RNF40: variants seen among roughly 807,000 people sequenced by gnomAD.
RNF40 encodes E3 ubiquitin-protein ligase BRE1B.
In RNF40, 39 loss-of-function variants were observed where a neutral mutation model predicts 123.3. The ratio of observed to expected loss-of-function variants is 0.32; its 90% CI spans 0.24 to 0.41. The LOEUF (loss-of-function observed/expected upper bound fraction) is 0.41. Ranked by LOEUF, RNF40 falls within the 10% of genes least tolerant of loss-of-function variation. The probability of loss-of-function intolerance (pLI) is 1.00; values close to 1 mark genes in which losing one functional copy is unlikely to be tolerated. For synonymous variants in RNF40, 538 were observed against 526.0 expected, an observed-to-expected ratio of 1.02 and a Z score of -0.31; for missense variants, 1,003 against 1,319.9, an observed-to-expected ratio of 0.76 and a Z score of 3.72.
At position 30,766,456 on chromosome 16, in the gene RNF40, G is replaced by T; in HGVS notation, c.1191G>T (p.Leu397=). The part of the protein sequence containing the change: ...EYRMLQAQFS[L]LYNESLQVKT... ...GCATGCTGCAGGCCCAATTCTCACT[G>T]CTCTACAACGAGTCTCTGCAAGTGA... is the stretch of plus-strand genomic sequence containing the variant. The change falls in exon 10 of 20, where the codon CTG becomes CTT. Residue 397 remains leucine, a synonymous_variant. Transcript: ENST00000324685. The surrounding 1 kb of genome is among the most constrained non-coding windows in gnomAD (Gnocchi z 5.4). 1 of 1,613,998 alleles carries T rather than the reference G, an allele frequency of 6.2e-7. No individual in the cohort carries two copies. Among genetic ancestry groups the T allele is most frequent in the African/African-American group, 1.3e-5 (1 of 75,066 alleles).
intron 8 of RNF40, among the ~76,000 whole-genome samples, 173 bp downstream of exon 8, chr16:30,765,672 G>T (rs896761231): frequency 6.6e-6 from 1 of 152,264 alleles, no homozygotes; most frequent in East Asian, 1.9e-4. Context: ...AACACTTAGT[G>T]CTAGGCACTA....
In RNF40 at chr16:30,766,584, G is replaced by T. The variant is rs760640910; in HGVS notation, c.1293+26G>T. On this transcript the variant is annotated intron_variant, in intron 10 of 19. Transcript: ENST00000324685. The surrounding 1 kb of genome is among the most constrained non-coding windows in gnomAD (Gnocchi z 5.4). Reference sequence around the variant, plus strand: ...GTATGGCCCTGGAACAGGCGTTAGGGCTGGGCTAAGGGCCAAACCGTTAGT... The same window carrying T: ...GTATGGCCCTGGAACAGGCGTTAGGTCTGGGCTAAGGGCCAAACCGTTAGT... The T allele has an allele frequency of 6.3e-7, 1 of 1,594,124 alleles. No individual in the cohort carries two copies. The highest frequency in any genetic ancestry group is 1.1e-5 in the South Asian group (1 of 88,396).
rs2054218568 is a variant in RNF40 at position 30,775,486 on chromosome 16, G to A, written c.*1372G>A. The A allele has an allele frequency of 6.0e-6, 1 of 166,950 alleles. No individual in the cohort carries two copies. 10.3% of individuals were successfully genotyped at this position (166,950 alleles called of 1,614,324 possible). ...GTCCGCACATGGTTAGGAGGTTCTC[G>A]GAGAGAGAGCTAGTTTCCCGGTTGC... On this transcript the variant is annotated 3_prime_UTR_variant, in exon 20 of 20. Coordinates refer to ENST00000324685, the MANE Select transcript of RNF40 (RefSeq NM_014771.4).
chr16:30,771,631 CAAA>C (rs2054149614), intron 17 of RNF40, among the ~76,000 whole-genome samples, 199 bp from the exon 18 acceptor site: 1 of 132,288 alleles, frequency 7.6e-6, no homozygotes, highest in South Asian at 2.2e-4. Flanking sequence ...AAACAAAAAA[CAAA>C]GAAACCCCAA....
intron 11 of RNF40, 132 bp from the exon 12 acceptor site, chr16:30,767,762 A>T (rs962624431): frequency 4.3e-5 from 52 of 1,209,188 alleles, no homozygotes; most frequent in Non-Finnish European, 5.8e-5. Context: ...TGATGAGTTC[A>T]TGCTCCGTTG....
chr16:30,767,324 G>A (rs1530201), intron 11 of RNF40, among the ~76,000 whole-genome samples: 149,293 of 152,276 alleles, frequency 0.98, 73,242 homozygotes, highest in Middle Eastern at 1. Flanking sequence ...GCTCTTGACA[G>A]ATAGGAAAGT....
intron 17 of RNF40, among the ~76,000 whole-genome samples, chr16:30,770,713 TTTG>T (rs752986173): frequency 2.2e-4 from 33 of 152,338 alleles, no homozygotes; most frequent in African/African-American, 5.1e-4. Context: ...TTGTGGTTTT[TTTG>T]TTGTTGTTTT....
At position 30,768,828 on chromosome 16, in the gene RNF40, T is replaced by C. The variant is rs759141997; in HGVS notation, c.2098-10T>C. 6.2e-7 allele frequency: 1 copy of C among 1,614,168 alleles called. No individual in the cohort carries two copies. The highest frequency in any genetic ancestry group is 1.1e-5 in the South Asian group (1 of 91,088). On this transcript the variant is annotated splice_polypyrimidine_tract_variant and intron_variant, in intron 14 of 19. Coordinates refer to ENST00000324685, the MANE Select transcript of RNF40 (RefSeq NM_014771.4). The surrounding 1 kb of genome is among the most constrained non-coding windows in gnomAD (Gnocchi z 4.1). Reference sequence around the variant, plus strand: ...AGTGTCAAGAGAGTTTCTTCTTCCCTGTGCTATAGGTTGATGAGCTGCGGA... The same window carrying C: ...AGTGTCAAGAGAGTTTCTTCTTCCCCGTGCTATAGGTTGATGAGCTGCGGA...
chr16:30,762,381 G>C, intron 1 of RNF40, 21 bp downstream of exon 1: 1 of 700,606 alleles, frequency 1.4e-6, no homozygotes, highest in East Asian at 3.3e-5. Flanking sequence ...TGGCGCCGGG[G>C]GGGACGGGAT....
intron 11 of RNF40, chr16:30,767,563 C>T (rs538875899): frequency 1.0e-4 from 22 of 219,532 alleles, no homozygotes; most frequent in African/African-American, 3.4e-4. Context: ...CCAGCACTTT[C>T]GGAGGCCAAG....
rs1010672244 is a variant in RNF40, at chr16:30,762,376, C to T, written c.-72+16C>T. 1 of 676,938 alleles carries T rather than the reference C, an allele frequency of 1.5e-6. No homozygotes were observed. The highest frequency in any genetic ancestry group is 2.3e-6 in the Non-Finnish European group (1 of 439,056). 41.9% of individuals were successfully genotyped at this position (676,938 alleles called of 1,614,324 possible). On this transcript the variant is annotated intron_variant, in intron 1 of 19. Transcript: ENST00000324685. ...CCTCCTGCTGGTGAGGGCTCTGGCG[C>T]CGGGGGGGACGGGATCCAGCAGGTG...
chr16:30,766,980 T>C lies in RNF40; in HGVS notation c.1429+104T>C, dbSNP rs1158101075. 3 of 1,398,812 alleles carry C rather than the reference T, an allele frequency of 2.1e-6. No homozygotes were observed. The highest frequency in any genetic ancestry group is 1.9e-6 in the Non-Finnish European group (2 of 1,042,828). The allele number at this position is 1,398,812 out of a possible 1,614,324, so 86.7% of individuals were successfully genotyped here. A position where few individuals can be genotyped will look rare whatever the true frequency, so the allele number is the denominator to read the frequency against. ...ATGCAAGAGGCTAAGGCCTTTTTTT[T>C]CACAGAGCCTCGGCTTCCTATGCAA... On this transcript the variant is annotated intron_variant, in intron 11 of 19. Coordinates refer to ENST00000324685, the MANE Select transcript of RNF40 (RefSeq NM_014771.4). The surrounding 1 kb of genome is among the most constrained non-coding windows in gnomAD (Gnocchi z 5.4).
chr16:30,769,755 A>G (rs150776341), intron 17 of RNF40, among the ~76,000 whole-genome samples, 155 bp downstream of exon 17: 451 of 152,338 alleles, frequency 3.0e-3, no homozygotes, highest in African/African-American at 0.011. Flanking sequence ...GCCAGACCAC[A>G]TGCTGAGTAC....
In RNF40 at chr16:30,762,599, G is replaced by A. The variant is rs757602792; in HGVS notation, c.54G>A (p.Pro18=). 1.8e-5 allele frequency: 28 copies of A among 1,589,026 alleles called. No individual in the cohort carries two copies. The highest frequency in any genetic ancestry group is 2.7e-5 in the African/African-American group (2 of 73,806). ...CCGGCGACGGGGGCTCAGGGCCCCC[G>A]GAAAAGAAGCTGAGTCGTGAGGAGA... ...RAAGDGGSGP[P]EKKLSREEKT... The change falls in exon 2 of 20, where the codon CCG becomes CCA. Residue 18 remains proline, a synonymous_variant. Coordinates refer to ENST00000324685, the MANE Select transcript of RNF40 (RefSeq NM_014771.4).
chr16:30,768,069 C>T lies in RNF40; in HGVS notation c.1552-34C>T. The T allele has an allele frequency of 6.2e-7, 1 of 1,613,880 alleles. No homozygotes were observed. The highest frequency in any genetic ancestry group is 8.5e-7 in the Non-Finnish European group (1 of 1,179,790). On this transcript the variant is annotated intron_variant, in intron 12 of 19. Transcript: ENST00000324685. The surrounding 1 kb of genome is among the most constrained non-coding windows in gnomAD (Gnocchi z 4.1). ...TTGGCTAGACTCCAGTGAACACCAT[C>T]TGACTTCATCCCTCTTCCTCTCTGC...
intron 15 of RNF40, 60 bp downstream of exon 15, chr16:30,769,047 G>T: frequency 1.2e-6 from 2 of 1,608,504 alleles, no homozygotes; most frequent in Admixed American, 3.3e-5. Flanking sequence ...TACCCTGTTT[G>T]GTGCCTCTAG....
Position 30,765,254 on chromosome 16 carries a change from T to C in RNF40, c.845T>C (p.Leu282Ser). 2 of 1,614,154 alleles carry C rather than the reference T, an allele frequency of 1.2e-6. No individual in the cohort carries two copies. Among genetic ancestry groups the C allele is most frequent in the African/African-American group, 1.3e-5 (1 of 75,022 alleles). Residue 282 changes from leucine to serine, a missense_variant, in exon 7 of 20, where the codon TTG becomes TCG. Transcript: ENST00000324685. ...GAGATGGAGACAACAGTGGAGGACT[T>C]GCAGTGGGACATCGAGAAGCTGCGG... ...VLEMETTVED[L>S]QWDIEKLRKR... is the part of the protein sequence containing the mutation.
In RNF40 at chr16:30,766,404, AGGTAGTGC is replaced by A; in HGVS notation, c.1142_1149del (p.Val381GlyfsTer77). ...GTGGCCCTGCGGAGCCTTCCTGAGG[AGGTAGTGC>A]GGGAGACGGGGGAGTACCGCATGCT... On this transcript the variant is annotated frameshift_variant, in exon 10 of 20. Coordinates refer to ENST00000324685, the MANE Select transcript of RNF40 (RefSeq NM_014771.4). LOFTEE classifies it high-confidence loss of function. This position sits in a 1 kb window ranked among gnomAD's most constrained non-coding sequence, Gnocchi z 5.4. 6.2e-7 allele frequency: 1 copy of A among 1,613,550 alleles called. No homozygotes were observed. The highest frequency in any genetic ancestry group is 8.5e-7 in the Non-Finnish European group (1 of 1,179,682).
At chr16:30,763,090 TC>T in intron 2 of RNF40, 27 bp from the exon 3 acceptor site, 1 of 1,612,174 alleles carries the variant, frequency 6.2e-7, no homozygotes, top group Non-Finnish European at 8.5e-7. Flanking sequence ...CTTGACGCTC[TC>T]GTCGGCCCCT....
Sources: allele counts gnomAD v4.1 joint callset (sites outside exome capture counted in the v4.1 genomes callset), GRCh38; gene constraint gnomAD v4.1.1; non-coding constraint Gnocchi (gnomAD v3.1); transcripts MANE v1.5; gene names NCBI Gene and HGNC (gene_info 2026-07-23, HGNC 2026-07-21).